The following CNTNAP2 variants were observed in gnomAD, a reference collection of about 807,000 sequenced individuals.
The protein encoded by CNTNAP2 is contactin-associated protein-like 2.
Under a neutral mutation model 155.2 loss-of-function variants are expected in CNTNAP2, and 98 were observed. That is an observed-to-expected ratio of 0.63 (90% CI 0.54 to 0.75). The LOEUF (loss-of-function observed/expected upper bound fraction) is 0.75. Ranked by LOEUF, CNTNAP2 falls within the 30% of genes least tolerant of loss-of-function variation. The probability of loss-of-function intolerance (pLI) is 0.00; values close to 1 mark genes in which losing one functional copy is unlikely to be tolerated. For synonymous variants in CNTNAP2, 651 were observed against 631.2 expected, an observed-to-expected ratio of 1.03 and a Z score of -0.47; for missense variants, 1,727 against 1,688.1, an observed-to-expected ratio of 1.02 and a Z score of -0.40.
At chr7:148,357,013 T>C (rs774796601) in intron 21 of CNTNAP2, among the ~76,000 whole-genome samples, 1 of 152,164 alleles carries the variant, frequency 6.6e-6, no homozygotes, top group Non-Finnish European at 1.5e-5. Context: ...GTAGGAGACC[T>C]TTCCAGCTTT....
intron 1 of CNTNAP2, among the ~76,000 whole-genome samples, chr7:146,518,627 T>G (rs189820867): frequency 5.1e-4 from 77 of 151,906 alleles, no homozygotes; most frequent in Non-Finnish European, 8.1e-4. Context: ...AATTTTTATG[T>G]CCCTAAAAAT....
intron 22 of CNTNAP2, among the ~76,000 whole-genome samples, chr7:148,386,765 A>G (rs1799218665): frequency 6.6e-6 from 1 of 152,196 alleles, no homozygotes; most frequent in Non-Finnish European, 1.5e-5. Flanking sequence ...TTAAGCTGAT[A>G]AAAGACAGAT....
intron 1 of CNTNAP2, among the ~76,000 whole-genome samples, chr7:146,338,359 T>C (rs565965881): frequency 6.6e-6 from 1 of 152,276 alleles, no homozygotes; most frequent in South Asian, 2.1e-4. Flanking sequence ...TTAACTACTG[T>C]AGATGGAGAC....
At chr7:146,648,987 A>T (rs1260306987) in intron 1 of CNTNAP2, among the ~76,000 whole-genome samples, 2 of 152,078 alleles carry the variant, frequency 1.3e-5, no homozygotes, top group Non-Finnish European at 2.9e-5. Context: ...TAGACAGAAG[A>T]AGACAGAAAA....
At chr7:148,041,538 A>G (rs10235977) in intron 15 of CNTNAP2, among the ~76,000 whole-genome samples, 8,280 of 152,330 alleles carry the variant, frequency 0.054, 465 homozygotes, top group African/African-American at 0.15. Context: ...CTACTTAACA[A>G]GAGTAGCTGT....
At chr7:146,340,283 GTTGTTTT>G (rs1801358538) in intron 1 of CNTNAP2, among the ~76,000 whole-genome samples, 1 of 137,490 alleles carries the variant, frequency 7.3e-6, no homozygotes, top group Non-Finnish European at 1.6e-5. Context: ...TGTTGTTGTT[GTTGTTTT>G]TTTTTTTTTT....
intron 8 of CNTNAP2, among the ~76,000 whole-genome samples, chr7:147,167,974 T>G (rs1361721277): frequency 1.3e-5 from 2 of 149,944 alleles, no homozygotes; most frequent in African/African-American, 4.9e-5. Context: ...TATACATATA[T>G]GTATATAGTA....
At chr7:147,512,156 G>A (rs1799034325) in intron 11 of CNTNAP2, among the ~76,000 whole-genome samples, 1 of 152,054 alleles carries the variant, frequency 6.6e-6, no homozygotes, top group African/African-American at 2.4e-5. Context: ...AAAATAGGGA[G>A]CTCTCCACAC....
intron 3 of CNTNAP2, among the ~76,000 whole-genome samples, chr7:147,010,972 T>C (rs1423649274): frequency 6.6e-6 from 1 of 152,048 alleles, no homozygotes; most frequent in Non-Finnish European, 1.5e-5. Flanking sequence ...AGTATCACCA[T>C]AAATGGAACA....
intron 10 of CNTNAP2, among the ~76,000 whole-genome samples, chr7:147,469,015 G>A (rs1473096660): frequency 6.6e-6 from 1 of 151,988 alleles, no homozygotes; most frequent in Non-Finnish European, 1.5e-5. Context: ...TAGAGATGGG[G>A]TTTCACCATG....
intron 19 of CNTNAP2, 105 bp downstream of exon 19, chr7:148,217,629 G>C: frequency 8.2e-7 from 1 of 1,224,282 alleles, no homozygotes. Flanking sequence ...TTCCCCATAG[G>C]CTTTTTTAAG....
intron 8 of CNTNAP2, among the ~76,000 whole-genome samples, chr7:147,214,449 A>G (rs1443713524): frequency 6.6e-6 from 1 of 152,102 alleles, no homozygotes; most frequent in African/African-American, 2.4e-5. Context: ...ACCTTATATG[A>G]TTGGTATGAT....
intron 1 of CNTNAP2, among the ~76,000 whole-genome samples, chr7:146,578,267 A>G (rs966397429): frequency 3.9e-5 from 6 of 152,144 alleles, no homozygotes; most frequent in African/African-American, 9.6e-5. Flanking sequence ...TGGAGCCACT[A>G]GTAAATCTGT....
At chr7:147,714,247 T>C (rs1796449011) in intron 13 of CNTNAP2, among the ~76,000 whole-genome samples, 1 of 152,116 alleles carries the variant, frequency 6.6e-6, no homozygotes, top group Admixed American at 6.6e-5. Flanking sequence ...GGAAGGTTTT[T>C]ATACTACTGC....
At chr7:148,109,383 G>GTTTTGTTTTA (rs1804294780) in intron 15 of CNTNAP2, among the ~76,000 whole-genome samples, 2 of 148,330 alleles carry the variant, frequency 1.3e-5, no homozygotes. Context: ...GTTTTGTTTT[G>GTTTTGTTTTA]TTTTGTTTTG....
At chr7:146,936,471 C>T (rs937147355) in intron 3 of CNTNAP2, among the ~76,000 whole-genome samples, 4 of 152,118 alleles carry the variant, frequency 2.6e-5, no homozygotes, top group African/African-American at 4.8e-5. Context: ...AGTACATTTA[C>T]GATGGTGATA....
chr7:148,109,115 A>G (rs1804286292), intron 15 of CNTNAP2, among the ~76,000 whole-genome samples: 1 of 152,220 alleles, frequency 6.6e-6, no homozygotes, highest in Admixed American at 6.5e-5. Flanking sequence ...GCCCTTGCAC[A>G]GGCTGACTGT....
At position 148,067,558 on chromosome 7, in the gene CNTNAP2, A is replaced by G. The variant is rs193255794; in HGVS notation, c.2384-50560A>G. On this transcript the variant is annotated intron_variant, in intron 15 of 23. Coordinates refer to ENST00000361727, the MANE Select transcript of CNTNAP2 (RefSeq NM_014141.6). ...CTTTAGTTGTAGTTTTGTTTAGTGCATGGGTTTTCTTGAATGTTGGTTGTG... is the reference window on the plus strand; with the variant it reads ...CTTTAGTTGTAGTTTTGTTTAGTGCGTGGGTTTTCTTGAATGTTGGTTGTG... Among the ~76,000 whole-genome samples the G allele has an allele frequency of 9.2e-5, 14 of 152,272 alleles. No individual in the cohort carries two copies. In the East Asian group the frequency reaches 2.5e-3, roughly 27 times the overall value.
chr7:147,538,659 A>T (rs1799589983), intron 11 of CNTNAP2, among the ~76,000 whole-genome samples: 1 of 152,086 alleles, frequency 6.6e-6, no homozygotes, highest in African/African-American at 2.4e-5. Context: ...ATAAAAAAAA[A>T]TCCCTCCTAT....
Sources: allele counts gnomAD v4.1 joint callset (sites outside exome capture counted in the v4.1 genomes callset), GRCh38; gene constraint gnomAD v4.1.1; transcripts MANE v1.5; gene names NCBI Gene and HGNC (gene_info 2026-07-23, HGNC 2026-07-21).